Variants in GRM7 observed in about 807,000 individuals in gnomAD.
GRM7 encodes the protein metabotropic glutamate receptor 7.
In GRM7, 35 loss-of-function variants were observed where a neutral mutation model predicts 84.5. The observed-to-expected ratio is 0.41, with a 90% CI of 0.32 to 0.55. GRM7 has a LOEUF of 0.55. Ranked by LOEUF, GRM7 falls within the 20% of genes least tolerant of loss-of-function variation. The pLI is 0.19. For synonymous variants in GRM7, 487 were observed against 455.1 expected, an observed-to-expected ratio of 1.07 and a Z score of -0.89; for missense variants, 1,003 against 1,194.6, an observed-to-expected ratio of 0.84 and a Z score of 2.36.
At chr3:6,954,954 C>T (rs142984012) in intron 1 of GRM7, among the ~76,000 whole-genome samples, 1 of 152,216 alleles carries the variant, frequency 6.6e-6, no homozygotes, top group African/African-American at 2.4e-5. Flanking sequence ...AGTATTCTCA[C>T]CAATAAAGTG....
intron 9 of GRM7, among the ~76,000 whole-genome samples, chr3:7,700,019 C>T (rs1378426385): frequency 6.6e-6 from 1 of 152,150 alleles, no homozygotes; most frequent in Non-Finnish European, 1.5e-5. Context: ...ATGGCACAAG[C>T]TAACGTCCCA....
At chr3:7,679,561 G>C (rs1479537204) in intron 8 of GRM7, among the ~76,000 whole-genome samples, 6 of 152,140 alleles carry the variant, frequency 3.9e-5, no homozygotes, top group African/African-American at 1.4e-4. Context: ...TAGGGAAAAG[G>C]CGTGCCTTTC....
intron 2 of GRM7, among the ~76,000 whole-genome samples, chr3:7,177,419 C>G (rs1695189582): frequency 1.3e-5 from 2 of 151,824 alleles, no homozygotes; most frequent in South Asian, 4.1e-4. Context: ...TGCTGCTGCG[C>G]TTAATGACGA....
chr3:6,925,192 T>C (rs972019869), intron 1 of GRM7, among the ~76,000 whole-genome samples: 14 of 152,212 alleles, frequency 9.2e-5, no homozygotes, highest in African/African-American at 3.4e-4. Flanking sequence ...TTACTCTATA[T>C]AGGCATTTAA....
At chr3:7,390,599 C>T (rs1232032906) in intron 4 of GRM7, among the ~76,000 whole-genome samples, 2 of 151,854 alleles carry the variant, frequency 1.3e-5, no homozygotes, top group Non-Finnish European at 2.9e-5. Flanking sequence ...ATTTGAAAGA[C>T]TGGTCTTTGA....
At chr3:6,911,581 A>G (rs940757384) in intron 1 of GRM7, among the ~76,000 whole-genome samples, 1 of 152,132 alleles carries the variant, frequency 6.6e-6, no homozygotes, top group Non-Finnish European at 1.5e-5. Flanking sequence ...ATCTCAGTAA[A>G]TGTTTGTACT....
intron 4 of GRM7, among the ~76,000 whole-genome samples, chr3:7,342,151 G>A (rs1244786637): frequency 6.6e-6 from 1 of 152,074 alleles, no homozygotes; most frequent in African/African-American, 2.4e-5. Flanking sequence ...GAGGGACACT[G>A]GAATTAATTG....
At chr3:7,346,540 G>C (rs1398305367) in intron 4 of GRM7, among the ~76,000 whole-genome samples, 1 of 152,112 alleles carries the variant, frequency 6.6e-6, no homozygotes, top group Non-Finnish European at 1.5e-5. Context: ...GATGCAAAGA[G>C]AACAATTACT....
chr3:7,316,092 A>G (rs76663534), intron 4 of GRM7, among the ~76,000 whole-genome samples: 13,807 of 151,694 alleles, frequency 0.091, 855 homozygotes, highest in Non-Finnish European at 0.14. Flanking sequence ...TGTACTGGGC[A>G]TAGAAAACAC....
chr3:6,964,517 A>G (rs1434897821), intron 1 of GRM7, among the ~76,000 whole-genome samples: 1 of 152,130 alleles, frequency 6.6e-6, no homozygotes, highest in Non-Finnish European at 1.5e-5. Flanking sequence ...AGACATATCC[A>G]GTCCCTTCTT....
At chr3:7,360,137 CTGTG>C (rs58123164) in intron 4 of GRM7, among the ~76,000 whole-genome samples, 62,479 of 135,928 alleles carry the variant, frequency 0.46, 16,227 homozygotes, top group South Asian at 0.58. Flanking sequence ...TTTTTTCCCT[CTGTG>C]TGTGTGTGTG....
At chr3:7,325,474 G>A (rs1700947827) in intron 4 of GRM7, among the ~76,000 whole-genome samples, 1 of 152,128 alleles carries the variant, frequency 6.6e-6, no homozygotes, top group Admixed American at 6.6e-5. Flanking sequence ...TTGCATTCAA[G>A]TTCCCAGGTG....
chr3:7,353,106 T>C (rs935754295), intron 4 of GRM7, among the ~76,000 whole-genome samples: 1 of 152,040 alleles, frequency 6.6e-6, no homozygotes, highest in African/African-American at 2.4e-5. Flanking sequence ...AGGCGGTCAC[T>C]AGGCAAGACA....
At chr3:7,084,144 T>C (rs1301616419) in intron 1 of GRM7, among the ~76,000 whole-genome samples, 5 of 152,128 alleles carry the variant, frequency 3.3e-5, no homozygotes, top group Non-Finnish European at 5.9e-5. Context: ...TCATTTGGGC[T>C]ACTCTCTGGA....
chr3:7,321,100 A>G (rs1249226720), intron 4 of GRM7, among the ~76,000 whole-genome samples: 2 of 151,982 alleles, frequency 1.3e-5, no homozygotes, highest in East Asian at 1.9e-4. Context: ...ACAGACATAC[A>G]GTAAAGTCAC....
intron 2 of GRM7, among the ~76,000 whole-genome samples, chr3:7,285,788 T>C (rs1699410769): frequency 6.6e-6 from 1 of 152,166 alleles, no homozygotes; most frequent in Admixed American, 6.6e-5. Context: ...TCTTGGTTCT[T>C]TATGCCTTTC....
At chr3:6,936,416 T>C (rs761045263) in intron 1 of GRM7, among the ~76,000 whole-genome samples, 5 of 152,180 alleles carry the variant, frequency 3.3e-5, no homozygotes, top group African/African-American at 4.8e-5. Flanking sequence ...TTCTGTGTTA[T>C]CCAATGAGCC....
chr3:7,413,656 T>C (rs546949469), intron 4 of GRM7, among the ~76,000 whole-genome samples: 7 of 152,196 alleles, frequency 4.6e-5, no homozygotes, highest in Admixed American at 6.5e-5. Flanking sequence ...CATGATTGTT[T>C]TGCTCTTCTA....
At chr3:7,088,233 C>T (rs190591528) in intron 1 of GRM7, among the ~76,000 whole-genome samples, 1 of 152,288 alleles carries the variant, frequency 6.6e-6, no homozygotes, top group African/African-American at 2.4e-5. Flanking sequence ...AGAGGACACT[C>T]CTGCTGGAAG....
Sources: gnomAD v4.1 joint callset for allele counts (sites outside exome capture counted in the v4.1 genomes callset) on GRCh38, gnomAD v4.1.1 for gene constraint, MANE v1.5 for transcripts, NCBI Gene and HGNC (gene_info 2026-07-23, HGNC 2026-07-21) for gene names.